KIAA1549: variants seen among roughly 807,000 people sequenced by gnomAD.
The protein encoded by KIAA1549 is UPF0606 protein KIAA1549.
KIAA1549 carries 70 observed loss-of-function variants against 156.4 expected under a neutral mutation model. The ratio of observed to expected loss-of-function variants is 0.45; its 90% CI spans 0.37 to 0.55. KIAA1549 has a LOEUF of 0.55. KIAA1549 is among the 20% of genes least tolerant of loss of function. The probability of loss-of-function intolerance (pLI) is 0.00; values close to 1 mark genes in which losing one functional copy is unlikely to be tolerated. For synonymous variants in KIAA1549, 1,103 were observed against 1,066.4 expected (o/e 1.03, Z -0.67); for missense variants, 2,428 against 2,540.9 (o/e 0.96, Z 0.96).
intron 2 of KIAA1549, among the ~76,000 whole-genome samples, chr7:138,912,681 C>T (rs1420132464): frequency 6.6e-6 from 1 of 152,014 alleles, no homozygotes; most frequent in African/African-American, 2.4e-5. Context: ...ACCAGGTCAA[C>T]TCTGCATAGC....
chr7:138,925,237 G>A lies in KIAA1549; in HGVS notation c.188-5799C>T, dbSNP rs141485909. On this transcript the variant is annotated intron_variant, in intron 1 of 19. Transcript: ENST00000422774. ...TGTCTCAGACTCTCACAAGCAAGACGAAGTGGTACCCTTACATTTTTTTTT... is the reference window on the plus strand; with the variant it reads ...TGTCTCAGACTCTCACAAGCAAGACAAAGTGGTACCCTTACATTTTTTTTT... Among the ~76,000 whole-genome samples the A allele has an allele frequency of 8.0e-3, 1,222 of 152,242 alleles. 7 individuals carry two copies. The highest frequency in any genetic ancestry group is 0.011 in the Non-Finnish European group (773 of 68,006).
intron 1 of KIAA1549, among the ~76,000 whole-genome samples, chr7:138,954,038 T>G (rs1813583236): frequency 7.2e-6 from 1 of 139,106 alleles, no homozygotes; most frequent in Non-Finnish European, 1.5e-5. Flanking sequence ...TATTTCTATG[T>G]GCAAAATGCT....
In KIAA1549 at chr7:138,837,733, C is replaced by T; in HGVS notation, c.*173G>A. ...AGACAATTGCCAGCCCAGTGAAAGG[C>T]TCATGAGCTGTCACACGACGTATGG... On this transcript the variant is annotated 3_prime_UTR_variant, in exon 20 of 20. Coordinates refer to ENST00000422774, the MANE Select transcript of KIAA1549 (RefSeq NM_001164665.2). 1 of 666,750 alleles carries T rather than the reference C, an allele frequency of 1.5e-6. No homozygotes were observed. Among genetic ancestry groups the T allele is most frequent in the South Asian group, 2.0e-5 (1 of 50,216 alleles). The allele number at this position is 666,750 out of a possible 1,614,324, so 41.3% of individuals were successfully genotyped here. A position where few individuals can be genotyped will look rare whatever the true frequency, so the allele number is the denominator to read the frequency against.
chr7:138,945,426 GT>G (rs1563088678), intron 1 of KIAA1549, among the ~76,000 whole-genome samples: 1 of 152,198 alleles, frequency 6.6e-6, no homozygotes, highest in African/African-American at 2.4e-5. Flanking sequence ...CCTCTGGGTT[GT>G]TAGCATCTGC....
chr7:138,876,617 C>T (rs1332313564), intron 12 of KIAA1549, among the ~76,000 whole-genome samples: 2 of 152,176 alleles, frequency 1.3e-5, no homozygotes, highest in Non-Finnish European at 2.9e-5. Flanking sequence ...TAAAAGAATG[C>T]TGAGTATTTT....
chr7:138,854,479 G>C (rs1810326090), intron 16 of KIAA1549, among the ~76,000 whole-genome samples: 1 of 152,130 alleles, frequency 6.6e-6, no homozygotes, highest in Non-Finnish European at 1.5e-5. Context: ...AATGTCATCA[G>C]GTGGCAAATA....
rs79760316 is a variant in KIAA1549 at position 138,864,681 on chromosome 7, A to T, written c.4930-3225T>A. Among the ~76,000 whole-genome samples the T allele has an allele frequency of 6.7e-4, 102 of 152,296 alleles. No individual in the cohort carries two copies. In the East Asian group the frequency reaches 0.016, roughly 25 times the overall value. On this transcript the variant is annotated intron_variant, in intron 15 of 19. Transcript: ENST00000422774. ...GTGGGTGTTGCAAGAGGGTGACCAG[A>T]CAGCCTGGTTGTCCAGGACAACCTC...
chr7:138,915,890 CG>C (rs1812303940), intron 2 of KIAA1549, among the ~76,000 whole-genome samples: 1 of 152,192 alleles, frequency 6.6e-6, no homozygotes, highest in Non-Finnish European at 1.5e-5. Flanking sequence ...GCCACCGTCG[CG>C]GGACATGACC....
At chr7:138,964,967 C>CTT (rs570675887) in intron 1 of KIAA1549, among the ~76,000 whole-genome samples, 1 of 142,020 alleles carries the variant, frequency 7.0e-6, no homozygotes, top group African/African-American at 2.6e-5. Flanking sequence ...GTTTTTTTTT[C>CTT]TTTTTTTTTT....
chr7:138,971,594 C>T (rs1361466837), intron 1 of KIAA1549, among the ~76,000 whole-genome samples: 1 of 152,116 alleles, frequency 6.6e-6, no homozygotes, highest in Non-Finnish European at 1.5e-5. Context: ...CCCTTCATGC[C>T]GCAGAAGCTG....
chr7:138,959,481 T>C (rs746051912), intron 1 of KIAA1549, among the ~76,000 whole-genome samples: 2 of 152,210 alleles, frequency 1.3e-5, no homozygotes, highest in Non-Finnish European at 2.9e-5. Flanking sequence ...AGGGTCTTTA[T>C]GTTTATTTCC....
chr7:138,930,332 T>G (rs991211844), intron 1 of KIAA1549, among the ~76,000 whole-genome samples: 2 of 152,202 alleles, frequency 1.3e-5, no homozygotes, highest in African/African-American at 4.8e-5. Flanking sequence ...AGCACTGGCT[T>G]CAACTTCAAG....
At chr7:138,844,213 T>C (rs1371355113) in intron 18 of KIAA1549, 104 bp downstream of exon 18, 31 of 1,285,686 alleles carry the variant, frequency 2.4e-5, no homozygotes, top group Non-Finnish European at 3.4e-5. Context: ...GAAACAGCAG[T>C]GGCAGAGGCC....
chr7:138,894,660 T>C (rs1811635635), intron 9 of KIAA1549, 134 bp from the exon 10 acceptor site: 1 of 765,380 alleles, frequency 1.3e-6, no homozygotes, highest in African/African-American at 1.8e-5. Context: ...TCTAATCTCC[T>C]GATGACAGGA....
chr7:138,860,495 T>C (rs899861179), intron 16 of KIAA1549, among the ~76,000 whole-genome samples: 1 of 152,242 alleles, frequency 6.6e-6, no homozygotes, highest in Non-Finnish European at 1.5e-5. Flanking sequence ...TCATTTCATA[T>C]GAAATTAGCA....
rs535276279 is a variant in KIAA1549, at chr7:138,836,186, G to A, written c.*1720C>T. 2 of 207,988 alleles carry A rather than the reference G, an allele frequency of 9.6e-6. No individual in the cohort carries two copies. Among genetic ancestry groups the A allele is most frequent in the South Asian group, 3.7e-4 (2 of 5,344 alleles). 12.9% of individuals were successfully genotyped at this position (207,988 alleles called of 1,614,324 possible). A position where few individuals can be genotyped will look rare whatever the true frequency, so the allele number is the denominator to read the frequency against. On this transcript the variant is annotated 3_prime_UTR_variant, in exon 20 of 20. Transcript: ENST00000422774. Reference sequence around the variant, plus strand: ...AAAAGTACAGTCATGCACACATCAGGATGTTTTGGTCAATGACGGTCTACA... The same window carrying A: ...AAAAGTACAGTCATGCACACATCAGAATGTTTTGGTCAATGACGGTCTACA...
chr7:138,939,654 C>G (rs918956414), intron 1 of KIAA1549, among the ~76,000 whole-genome samples: 1 of 152,150 alleles, frequency 6.6e-6, no homozygotes, highest in African/African-American at 2.4e-5. Context: ...CACTGTATCA[C>G]GGCAGGAAGC....
At chr7:138,933,153 G>A (rs1044434688) in intron 1 of KIAA1549, among the ~76,000 whole-genome samples, 3 of 152,312 alleles carry the variant, frequency 2.0e-5, no homozygotes, top group East Asian at 1.9e-4. Context: ...GGAGCTCCAC[G>A]CAGTCAACTT....
intron 1 of KIAA1549, among the ~76,000 whole-genome samples, chr7:138,934,376 G>C (rs1812950329): frequency 6.7e-6 from 1 of 149,840 alleles, no homozygotes; most frequent in South Asian, 2.1e-4. Context: ...ATTCTGGTTA[G>C]AGGGCCTCTC....
Sources: allele counts gnomAD v4.1 joint callset (sites outside exome capture counted in the v4.1 genomes callset), GRCh38; gene constraint gnomAD v4.1.1; transcripts MANE v1.5; gene names NCBI Gene and HGNC (gene_info 2026-07-23, HGNC 2026-07-21).